The following RYR3 variants were observed in gnomAD, a reference collection of about 807,000 sequenced individuals.
RYR3 encodes ryanodine receptor 3, also known as brain ryanodine receptor-calcium release channel.
Under a neutral mutation model 584.3 loss-of-function variants are expected in RYR3, and 207 were observed. The observed-to-expected ratio is 0.35, with a 90% confidence interval of 0.32 to 0.40. The LOEUF (loss-of-function observed/expected upper bound fraction) is 0.40. Ranked by LOEUF, RYR3 falls within the 10% of genes least tolerant of loss-of-function variation. The pLI, the probability that RYR3 is intolerant of heterozygous loss-of-function variation, is 1.00. For missense variants in RYR3, 5,616 were observed against 6,089.2 expected (o/e 0.92, Z 2.59); for synonymous variants, 2,416 against 2,248.5 (o/e 1.07, Z -2.11).
chr15:33,719,037 A>G (rs1042093385), intron 43 of RYR3, among the ~76,000 whole-genome samples: 1 of 152,232 alleles, frequency 6.6e-6, no homozygotes, highest in African/African-American at 2.4e-5. Context: ...GCTGAGCTAC[A>G]GGTAATTAGG....
intron 1 of RYR3, among the ~76,000 whole-genome samples, chr15:33,360,292 C>A (rs866694349): frequency 7.2e-5 from 11 of 152,114 alleles, no homozygotes; most frequent in Middle Eastern, 3.2e-3. Context: ...CACTCCCAGC[C>A]CCAGGCCGTC....
intron 19 of RYR3, among the ~76,000 whole-genome samples, chr15:33,620,456 G>T (rs771563628): frequency 6.6e-6 from 1 of 152,148 alleles, no homozygotes; most frequent in Non-Finnish European, 1.5e-5. Flanking sequence ...ATACTACATA[G>T]TTGACTCAGC....
At chr15:33,572,658 T>TACAC (rs57835355) in intron 12 of RYR3, among the ~76,000 whole-genome samples, 2,869 of 124,476 alleles carry the variant, frequency 0.023, 61 homozygotes, top group Non-Finnish European at 0.032. Context: ...AAACTATATA[T>TACAC]ACACACACAC....
chr15:33,830,415 G>C (rs1016443389), intron 85 of RYR3, among the ~76,000 whole-genome samples: 2 of 152,158 alleles, frequency 1.3e-5, no homozygotes, highest in Admixed American at 6.5e-5. Context: ...CACGTACATT[G>C]TTTTTTAAAG....
intron 21 of RYR3, among the ~76,000 whole-genome samples, chr15:33,628,936 G>A (rs2061135976): frequency 6.6e-6 from 1 of 152,194 alleles, no homozygotes; most frequent in African/African-American, 2.4e-5. Flanking sequence ...CTCAGAGGAG[G>A]ATAGGGAATC....
At position 33,837,799 on chromosome 15, in the gene RYR3, C is replaced by G. The variant is rs1345107667; in HGVS notation, c.11819C>G (p.Ser3940Cys). Reference protein sequence around the residue: ...EYDPDGKGIISKKEFQKAMEG... With the variant: ...EYDPDGKGIICKKEFQKAMEG... ...GACCCAGATGGTAAAGGAATTATCT[C>G]CAAAAAAGAATTCCAGAAGGCCATG... The change falls in exon 89 of 104, where the codon TCC becomes TGC. Residue 3940 changes from serine to cysteine, a missense_variant. By Grantham distance (112) the Ser-to-Cys change is moderately radical (BLOSUM62 -1). Transcript: ENST00000634891. 2 of 1,613,758 alleles carry G rather than the reference C, an allele frequency of 1.2e-6. No individual in the cohort carries two copies. The highest frequency in any genetic ancestry group is 1.7e-6 in the Non-Finnish European group (2 of 1,179,876).
intron 12 of RYR3, among the ~76,000 whole-genome samples, chr15:33,575,966 A>G (rs1334284340): frequency 2.6e-5 from 4 of 152,230 alleles, no homozygotes; most frequent in Admixed American, 2.6e-4. Context: ...CAACCATCAG[A>G]GAATATGATA....
At chr15:33,735,622 C>G (rs8037246) in intron 48 of RYR3, among the ~76,000 whole-genome samples, 38,802 of 152,056 alleles carry the variant, frequency 0.26, 5,467 homozygotes, top group African/African-American at 0.38. Context: ...TGTTGCTTAT[C>G]TCTCCTTTCT....
At chr15:33,572,357 C>T (rs1268376889) in intron 12 of RYR3, among the ~76,000 whole-genome samples, 1 of 152,032 alleles carries the variant, frequency 6.6e-6, no homozygotes, top group Non-Finnish European at 1.5e-5. Flanking sequence ...CAAGACAAGC[C>T]TGTGACTATT....
chr15:33,616,304 T>C (rs2060448260), intron 19 of RYR3, among the ~76,000 whole-genome samples: 1 of 152,218 alleles, frequency 6.6e-6, no homozygotes, highest in African/African-American at 2.4e-5. Flanking sequence ...TCTGAATCAT[T>C]AGTTCATCCC....
chr15:33,713,984 C>G (rs371931158), intron 43 of RYR3, among the ~76,000 whole-genome samples: 1 of 152,050 alleles, frequency 6.6e-6, no homozygotes, highest in Non-Finnish European at 1.5e-5. Flanking sequence ...GGGGGGGACA[C>G]GAATATTCAG....
At chr15:33,672,155 C>T (rs1283799364) in intron 38 of RYR3, among the ~76,000 whole-genome samples, 2 of 151,932 alleles carry the variant, frequency 1.3e-5, no homozygotes, top group Non-Finnish European at 2.9e-5. Flanking sequence ...TCATGGCTGG[C>T]GGGGGGTGGG....
At chr15:33,839,093 C>G in intron 89 of RYR3, 135 bp downstream of exon 89, 1 of 1,101,876 alleles carries the variant, frequency 9.1e-7, no homozygotes, top group East Asian at 2.5e-5. Flanking sequence ...TGTGATTACG[C>G]TGATCTTATA....
rs745512396 is a variant in RYR3 at position 33,726,481 on chromosome 15, C to T, written c.7008C>T (p.Pro2336=). 19 of 1,601,346 alleles carry T rather than the reference C, an allele frequency of 1.2e-5. No individual in the cohort carries two copies. The African/African-American group carries it at 2.5e-4, about 21-fold the overall frequency. The stretch of plus-strand genomic sequence containing the variant: ...ACCTGGTTGGGATCATCAGCATCCC[C>T]TTGAAACTGCCCTCCCTCAACAAAG... ...TEDLVGIISI[P]LKLPSLNKDG... is the part of the protein sequence containing the mutation. Residue 2336 remains proline (P), a synonymous_variant, in exon 46 of 104, where the codon CCC becomes CCT. Transcript: ENST00000634891.
At chr15:33,597,752 AG>A (rs1415846291) in intron 16 of RYR3, among the ~76,000 whole-genome samples, 5 of 152,174 alleles carry the variant, frequency 3.3e-5, no homozygotes, top group African/African-American at 1.2e-4. Context: ...TTTAGTATAT[AG>A]TTTAAGAGCT....
At chr15:33,827,083 T>C (rs1396727349) in intron 84 of RYR3, 116 bp from the exon 85 acceptor site, 3 of 880,186 alleles carry the variant, frequency 3.4e-6, no homozygotes, top group Non-Finnish European at 5.5e-6. Context: ...GACCCAAACA[T>C]GGTATTCTTG....
intron 89 of RYR3, among the ~76,000 whole-genome samples, chr15:33,839,953 C>A (rs2078256549): frequency 6.6e-6 from 1 of 152,158 alleles, no homozygotes; most frequent in Non-Finnish European, 1.5e-5. Flanking sequence ...ATGTGCCAGC[C>A]TGTGTTCTAG....
At chr15:33,859,218 C>G (rs1371375536) in intron 99 of RYR3, 1 of 200,638 alleles carries the variant, frequency 5.0e-6, no homozygotes, top group African/African-American at 2.3e-5. Flanking sequence ...CAGTTTATAG[C>G]ACAGCCTGAA....
At chr15:33,347,683 G>A (rs1263099884) in intron 1 of RYR3, among the ~76,000 whole-genome samples, 1 of 152,010 alleles carries the variant, frequency 6.6e-6, no homozygotes, top group Non-Finnish European at 1.5e-5. Flanking sequence ...TCCTGACCTC[G>A]TGATCCGCCC....
Sources: gnomAD v4.1 joint callset for allele counts (sites outside exome capture counted in the v4.1 genomes callset) on GRCh38, gnomAD v4.1.1 for gene constraint, MANE v1.5 for transcripts, NCBI Gene and HGNC (gene_info 2026-07-23, HGNC 2026-07-21) for gene names.